FLNB: variants seen among roughly 807,000 people sequenced by gnomAD.
The protein encoded by FLNB is filamin-B.
In FLNB, 111 loss-of-function variants were observed where a neutral mutation model predicts 250.6. That is an observed-to-expected ratio of 0.44 (90% CI 0.38 to 0.52). The LOEUF (loss-of-function observed/expected upper bound fraction) is 0.52, where lower values mean the gene tolerates loss of function less well. Among genes scored for constraint, FLNB ranks in the 20% least tolerant of loss-of-function variants. The probability of loss-of-function intolerance (pLI) is 0.00; values close to 1 mark genes in which losing one functional copy is unlikely to be tolerated. For missense variants in FLNB, 2,869 were observed against 3,447.8 expected, an observed-to-expected ratio of 0.83 and a Z score of 4.20; for synonymous variants, 1,302 against 1,372.1, an observed-to-expected ratio of 0.95 and a Z score of 1.13.
chr3:58,168,495 C>A lies in FLNB; in HGVS notation c.7254C>A (p.Ser2418=), dbSNP rs563382903. ...CCCGAGCAGGTCCAGGGACATTATCCGTCACCATCGAAGGCCCATCCAAGG... is the reference window on the plus strand; with the variant it reads ...CCCGAGCAGGTCCAGGGACATTATCAGTCACCATCGAAGGCCCATCCAAGG... ...NTTRAGPGTL[S]VTIEGPSKVK... The change falls in exon 44 of 46, where the codon TCC becomes TCA. Residue 2418 remains serine (S), a synonymous_variant. Coordinates refer to ENST00000295956, the MANE Select transcript of FLNB (RefSeq NM_001457.4). 13 of 1,614,090 alleles carry A rather than the reference C, an allele frequency of 8.1e-6. No homozygotes were observed. The highest frequency in any genetic ancestry group is 1.6e-4 in the Middle Eastern group (1 of 6,084).
chr3:58,072,198 G>T (rs1195075269), intron 1 of FLNB, among the ~76,000 whole-genome samples: 1 of 152,190 alleles, frequency 6.6e-6, no homozygotes, highest in Non-Finnish European at 1.5e-5. Flanking sequence ...GAGGGTCAGG[G>T]TTGTCCAGAG....
At chr3:58,122,949 G>A (rs2097291562) in intron 20 of FLNB, 144 bp from the exon 21 acceptor site, 1 of 788,838 alleles carries the variant, frequency 1.3e-6, no homozygotes, top group Non-Finnish European at 2.3e-6. Flanking sequence ...TTTAACTCGT[G>A]TGCACGTGTG....
chr3:58,156,257 G>A (rs758676546), intron 41 of FLNB, among the ~76,000 whole-genome samples, 182 bp downstream of exon 41: 11 of 152,200 alleles, frequency 7.2e-5, no homozygotes, highest in South Asian at 2.1e-4. Flanking sequence ...CACTTAGGGC[G>A]GATGACACTT....
chr3:58,125,621 C>T lies in FLNB; in HGVS notation c.3939C>T (p.Ile1313=). ...AGGTGACATATGATGACGTGCCTAT[C>T]CCAAACAGTCCCTTCAAGGTGGCTG... is the stretch of plus-strand genomic sequence containing the variant. The part of the protein sequence containing the change: ...VVEVTYDDVP[I]PNSPFKVAVT... Residue 1313 remains isoleucine (I), a synonymous_variant, in exon 23 of 46, where the codon ATC becomes ATT. Coordinates refer to ENST00000295956, the MANE Select transcript of FLNB (RefSeq NM_001457.4). 2 of 1,614,170 alleles carry T rather than the reference C, an allele frequency of 1.2e-6. No homozygotes were observed. Among genetic ancestry groups the T allele is most frequent in the African/African-American group, 2.7e-5 (2 of 75,044 alleles).
intron 18 of FLNB, among the ~76,000 whole-genome samples, chr3:58,115,224 C>G (rs755453928): frequency 6.6e-6 from 1 of 152,136 alleles, no homozygotes; most frequent in Non-Finnish European, 1.5e-5. Context: ...TTGGTGGGAG[C>G]CTTACTACTG....
intron 1 of FLNB, among the ~76,000 whole-genome samples, chr3:58,028,988 A>T (rs1350601836): frequency 6.6e-6 from 1 of 151,992 alleles, no homozygotes; most frequent in African/African-American, 2.4e-5. Context: ...AGGCTGGGGC[A>T]GGAGGATCCC....
At chr3:58,092,670 C>CA (rs1422978116) in intron 4 of FLNB, among the ~76,000 whole-genome samples, 4 of 152,014 alleles carry the variant, frequency 2.6e-5, no homozygotes, top group Non-Finnish European at 2.9e-5. Context: ...AACAAAACCT[C>CA]AAAAAACAGT....
At chr3:58,150,928 T>A (rs988928949) in intron 38 of FLNB, 1 of 153,308 alleles carries the variant, frequency 6.5e-6, no homozygotes, top group African/African-American at 2.4e-5. Context: ...GGAGAGGGGG[T>A]TGTCTTTCTA....
intron 39 of FLNB, 114 bp downstream of exon 39, chr3:58,153,755 A>G (rs2097349025): frequency 8.5e-7 from 1 of 1,170,748 alleles, no homozygotes; most frequent in Non-Finnish European, 1.2e-6. Flanking sequence ...GATAGGTGGC[A>G]TTAAGGGCAT....
At chr3:58,080,044 G>A (rs1344050862) in intron 3 of FLNB, among the ~76,000 whole-genome samples, 1 of 152,152 alleles carries the variant, frequency 6.6e-6, no homozygotes, top group African/African-American at 2.4e-5. Context: ...AACCTAAACC[G>A]TCTCCTTTTT....
At chr3:58,049,762 C>A (rs186383344) in intron 1 of FLNB, among the ~76,000 whole-genome samples, 4 of 152,346 alleles carry the variant, frequency 2.6e-5, no homozygotes, top group African/African-American at 9.6e-5. Context: ...ACTCCAGGAG[C>A]TGCAAAGGGG....
At position 58,124,497 on chromosome 3, in the gene FLNB, T is replaced by G; in HGVS notation, c.3890T>G (p.Phe1297Cys). 1 of 1,614,190 alleles carries G rather than the reference T, an allele frequency of 6.2e-7. No individual in the cohort carries two copies. The highest frequency in any genetic ancestry group is 8.5e-7 in the Non-Finnish European group (1 of 1,180,028). ...DGTYQVEYTP[F>C]EKGLHVVEVT... is the part of the protein sequence containing the mutation. ...ACCTACCAGGTGGAATACACACCCT[T>G]TGAGAAAGGTGAGCCGCCCTGTCCT... Residue 1297 changes from phenylalanine to cysteine, a missense_variant, in exon 22 of 46, where the codon TTT (phenylalanine) becomes TGT (cysteine). Phe to Cys is a radical substitution (Grantham distance 205). Around this residue, in one of 5 missense-constraint regions of FLNB, gnomAD observed 1,348 missense variants for 1,466.7 expected, o/e 0.92. Coordinates refer to ENST00000295956, the MANE Select transcript of FLNB (RefSeq NM_001457.4).
intron 1 of FLNB, among the ~76,000 whole-genome samples, chr3:58,050,328 T>TC (rs2097160447): frequency 6.6e-6 from 1 of 152,216 alleles, no homozygotes; most frequent in Non-Finnish European, 1.5e-5. Context: ...ATGCCTGGTC[T>TC]CTTTTTCATT....
At chr3:58,146,690 C>A in intron 33 of FLNB, 130 bp from the exon 34 acceptor site, 1 of 910,408 alleles carries the variant, frequency 1.1e-6, no homozygotes, top group Non-Finnish European at 1.8e-6. Context: ...CCTTTGCCCA[C>A]AGCTCACGTG....
chr3:58,014,466 C>G (rs1181837600), intron 1 of FLNB, among the ~76,000 whole-genome samples: 1 of 152,248 alleles, frequency 6.6e-6, no homozygotes, highest in Non-Finnish European at 1.5e-5. Context: ...CTGTGGAGTT[C>G]TCCCAGCAAC....
At chr3:58,089,685 C>T (rs1484409971) in intron 4 of FLNB, among the ~76,000 whole-genome samples, 1 of 152,012 alleles carries the variant, frequency 6.6e-6, no homozygotes, top group Non-Finnish European at 1.5e-5. Flanking sequence ...ACCAAATGGA[C>T]ATTTTAGAAT....
intron 3 of FLNB, among the ~76,000 whole-genome samples, chr3:58,079,578 C>G (rs1196880299): frequency 1.3e-5 from 2 of 152,106 alleles, no homozygotes; most frequent in Non-Finnish European, 2.9e-5. Context: ...AACATGTAAG[C>G]CAGGATAATC....
rs1343804298 is a variant in FLNB at position 58,168,507 on chromosome 3, A to G, written c.7266A>G (p.Glu2422=). The G allele has an allele frequency of 6.2e-7, 1 of 1,614,218 alleles. No individual in the cohort carries two copies. The highest frequency in any genetic ancestry group is 1.1e-5 in the South Asian group (1 of 91,088). The change falls in exon 44 of 46, where the codon GAA becomes GAG. Residue 2422 remains glutamate (E), a synonymous_variant. Coordinates refer to ENST00000295956, the MANE Select transcript of FLNB (RefSeq NM_001457.4). ...AGPGTLSVTI[E]GPSKVKMDCQ... ...CAGGGACATTATCCGTCACCATCGA[A>G]GGCCCATCCAAGGTTAAAATGGATT...
chr3:58,078,473 A>G (rs2097204631), intron 2 of FLNB: 2 of 1,536,140 alleles, frequency 1.3e-6, no homozygotes, highest in East Asian at 4.9e-5. Flanking sequence ...AGGAATGGAT[A>G]ATCCCCATCT....
Sources: gnomAD v4.1 joint callset for allele counts (sites outside exome capture counted in the v4.1 genomes callset) on GRCh38, gnomAD v4.1.1 for gene constraint, gnomAD v4.1.1 regional missense constraint, MANE v1.5 for transcripts, NCBI Gene and HGNC (gene_info 2026-07-23, HGNC 2026-07-21) for gene names.